CXXC5: variants seen among roughly 807,000 people sequenced by gnomAD.
The protein encoded by CXXC5 is CXXC finger protein 5, also known as CXXC-type zinc finger protein 5.
Under a neutral mutation model 17.6 loss-of-function variants are expected in CXXC5, and 2 were observed. The observed-to-expected ratio is 0.11, with a 90% CI of 0.05 to 0.36. CXXC5 has a LOEUF of 0.36. Ranked by LOEUF, CXXC5 falls within the 10% of genes least tolerant of loss-of-function variation. The pLI, the probability that CXXC5 is intolerant of heterozygous loss-of-function variation, is 1.00. For missense variants in CXXC5, 343 were observed against 458.3 expected, an observed-to-expected ratio of 0.75 and a Z score of 2.30; for synonymous variants, 171 against 193.0, an observed-to-expected ratio of 0.89 and a Z score of 0.94.
At chr5:139,656,009 CTCTG>C (rs1755477321) in intron 1 of CXXC5, among the ~76,000 whole-genome samples, 1 of 152,254 alleles carries the variant, frequency 6.6e-6, no homozygotes, top group African/African-American at 2.4e-5. Flanking sequence ...ACCCGCCCTC[CTCTG>C]TCTGGCAGAC....
chr5:139,653,358 A>G (rs144130654), intron 1 of CXXC5, among the ~76,000 whole-genome samples: 2 of 152,206 alleles, frequency 1.3e-5, no homozygotes, highest in African/African-American at 4.8e-5. Flanking sequence ...AGTGGCAGCA[A>G]AGGGCCAGCC....
rs181281055 is a variant in CXXC5 at position 139,662,495 on chromosome 5, G to T, written c.-161+13650G>T. ...TGAGTCTGATGGGAATGGCTTCATG[G>T]TCATGAAGGGCTTTGGATGCAATCT... On this transcript the variant is annotated intron_variant, in intron 1 of 2. Transcript: ENST00000302517. 2.0e-5 allele frequency among the ~76,000 whole-genome samples: 3 copies of T among 152,288 alleles called. No homozygotes were observed. In the East Asian group the frequency reaches 5.8e-4, roughly 29 times the overall value.
Position 139,680,781 on chromosome 5 carries a change from C to T in CXXC5, c.258C>T (p.Gly86=), listed in dbSNP as rs769780482. The T allele has an allele frequency of 1.2e-6, 2 of 1,613,510 alleles. No individual in the cohort carries two copies. The highest frequency in any genetic ancestry group is 2.7e-5 in the African/African-American group (2 of 75,076). ...SRPLSHYSSF[G]SSGGSGGGSM... ...CGCTCTCCCACTACTCTTCTTTTGG[C>T]AGCAGTGGTGGTAGTGGCGGTGGCA... Residue 86 remains glycine (G), a synonymous_variant, in exon 2 of 3, where the codon GGC becomes GGT. Coordinates refer to ENST00000302517, the MANE Select transcript of CXXC5 (RefSeq NM_016463.9).
intron 1 of CXXC5, chr5:139,679,557 C>T (rs142100001): frequency 5.3e-5 from 8 of 152,316 alleles, no homozygotes; most frequent in African/African-American, 1.9e-4. Flanking sequence ...TATTAGTAAT[C>T]CCCAGATGAG....
Position 139,680,406 on chromosome 5 carries a change from C to A in CXXC5, c.-118C>A. On this transcript the variant is annotated 5_prime_UTR_variant, in exon 2 of 3. The change creates a new upstream start codon in the 5' untranslated region. Coordinates refer to ENST00000302517, the MANE Select transcript of CXXC5 (RefSeq NM_016463.9). ...CTGGACACCTGACCATGTGCCTGCC[C>A]TGAGCAGCGAGGCCCACCAGGCATC... 1 of 1,401,422 alleles carries A rather than the reference C, an allele frequency of 7.1e-7. No homozygotes were observed. The highest frequency in any genetic ancestry group is 9.4e-7 in the Non-Finnish European group (1 of 1,062,432). 86.8% of individuals were successfully genotyped at this position (1,401,422 alleles called of 1,614,324 possible).
chr5:139,664,747 G>A (rs948086757), intron 1 of CXXC5, among the ~76,000 whole-genome samples: 5 of 152,138 alleles, frequency 3.3e-5, no homozygotes, highest in African/African-American at 9.7e-5. Flanking sequence ...ACCTGCACAG[G>A]GGTCCAGGGG....
At chr5:139,682,318 C>CCCCCCACCCCAG in intron 2 of CXXC5, among the ~76,000 whole-genome samples, 4 of 118,826 alleles carry the variant, frequency 3.4e-5, no homozygotes, top group South Asian at 2.9e-4. Flanking sequence ...TGGTTACCCT[C>CCCCCCACCCCAG]CCCCAACCCC....
rs1048390731 is a variant in CXXC5, at chr5:139,661,186, C to T, written c.-161+12341C>T. 2.0e-5 allele frequency among the ~76,000 whole-genome samples: 3 copies of T among 152,230 alleles called. No homozygotes were observed. Among genetic ancestry groups the T allele is most frequent in the African/African-American group, 4.8e-5 (2 of 41,458 alleles). The stretch of plus-strand genomic sequence containing the variant: ...GCCGCGGCTGCCCGCGCCGCCCCCC[C>T]ACCTCTTGCGCTGTCGGCCATCAGC... On this transcript the variant is annotated intron_variant, in intron 1 of 2. Coordinates refer to ENST00000302517, the MANE Select transcript of CXXC5 (RefSeq NM_016463.9). This position sits in a 1 kb window ranked among gnomAD's most constrained non-coding sequence, Gnocchi z 4.7.
chr5:139,675,702 C>T (rs957982849), intron 1 of CXXC5, among the ~76,000 whole-genome samples: 24 of 152,208 alleles, frequency 1.6e-4, no homozygotes, highest in Admixed American at 1.3e-3. Flanking sequence ...CTGAGGCTGA[C>T]AGCTTGAACC....
At chr5:139,677,373 A>ACGTCC (rs1200290396) in intron 1 of CXXC5, among the ~76,000 whole-genome samples, 2 of 152,056 alleles carry the variant, frequency 1.3e-5, no homozygotes, top group African/African-American at 4.8e-5. Flanking sequence ...ACCTGGGAGA[A>ACGTCC]CGTCCCCTCT....
At position 139,659,020 on chromosome 5, in the gene CXXC5, G is replaced by A. The variant is rs1371726237; in HGVS notation, c.-161+10175G>A. 2.0e-5 allele frequency among the ~76,000 whole-genome samples: 3 copies of A among 152,268 alleles called. No individual in the cohort carries two copies. In the South Asian group the frequency reaches 6.2e-4, roughly 32 times the overall value. ...GGTGGGAGGCAAAGGAATAGTGAAG[G>A]GACCTGCAGTCAACCCCTTTCAGGA... is the stretch of plus-strand genomic sequence containing the variant. On this transcript the variant is annotated intron_variant, in intron 1 of 2. Coordinates refer to ENST00000302517, the MANE Select transcript of CXXC5 (RefSeq NM_016463.9).
rs1289428089 is a variant in CXXC5 at position 139,668,617 on chromosome 5, CCAGGACGCCCT to C, written c.-160-11746_-160-11736del. On this transcript the variant is annotated intron_variant, in intron 1 of 2. Transcript: ENST00000302517. The surrounding 1 kb of genome is among the most constrained non-coding windows in gnomAD (Gnocchi z 4.1). ...CTCGCCTGGCTTAACCCAGACGAGC[CCAGGACGCCCT>C]ATCCCTGAACCCCATCGTGGCGTGC... Among the ~76,000 whole-genome samples, 3 of 152,248 alleles carry C rather than the reference CCAGGACGCCCT, an allele frequency of 2.0e-5. No homozygotes were observed. In the East Asian group the frequency reaches 5.8e-4, roughly 29 times the overall value.
intron 1 of CXXC5, among the ~76,000 whole-genome samples, chr5:139,674,951 T>C (rs1257860702): frequency 6.6e-6 from 1 of 152,246 alleles, no homozygotes; most frequent in Non-Finnish European, 1.5e-5. Context: ...AGGCTCTCTT[T>C]CATGCCTTTG....
intron 1 of CXXC5, among the ~76,000 whole-genome samples, chr5:139,665,316 C>T (rs988144631): frequency 2.6e-5 from 4 of 152,266 alleles, no homozygotes; most frequent in African/African-American, 7.2e-5. Flanking sequence ...GCTACTGGGC[C>T]ATGCCAAGAC....
Position 139,673,854 on chromosome 5 carries a change from A to AGAG in CXXC5, c.-160-6510_-160-6509insGAG, listed in dbSNP as rs35463867. Among the ~76,000 whole-genome samples the AGAG allele has an allele frequency of 3.3e-3, 487 of 146,782 alleles. 4 individuals carry two copies. The highest frequency in any genetic ancestry group is 0.01 in the African/African-American group (398 of 39,324). ...AGACTCTTGTCAAAAAAAAAAAAAA[A>AGAG]AGAGAGAGAGAAAACAGAGCTCTAC... On this transcript the variant is annotated intron_variant, in intron 1 of 2. Transcript: ENST00000302517.
At chr5:139,656,810 C>G (rs992284519) in intron 1 of CXXC5, among the ~76,000 whole-genome samples, 7 of 152,172 alleles carry the variant, frequency 4.6e-5, no homozygotes, top group African/African-American at 1.7e-4. Flanking sequence ...CTGCAACCCC[C>G]ACCTCCTGGG....
intron 1 of CXXC5, among the ~76,000 whole-genome samples, chr5:139,662,450 C>T (rs1328245971): frequency 1.3e-5 from 2 of 152,140 alleles, no homozygotes; most frequent in Non-Finnish European, 2.9e-5. Context: ...AAAAAAAAGC[C>T]GTTTTTCAGA....
chr5:139,667,216 G>C (rs958223871), intron 1 of CXXC5, among the ~76,000 whole-genome samples: 1 of 152,180 alleles, frequency 6.6e-6, no homozygotes, highest in Non-Finnish European at 1.5e-5. Context: ...TCCTGTGTAG[G>C]CTGGTTATGG....
chr5:139,650,977 G>A, intron 1 of CXXC5: 1 of 152,220 alleles, frequency 6.6e-6, no homozygotes, highest in South Asian at 2.1e-4. Flanking sequence ...GAGGGAGAGG[G>A]GGTGATGGTT....
Sources: gnomAD v4.1 joint callset for allele counts (sites outside exome capture counted in the v4.1 genomes callset) on GRCh38, gnomAD v4.1.1 for gene constraint, Gnocchi (gnomAD v3.1) non-coding constraint, MANE v1.5 for transcripts, NCBI Gene and HGNC (gene_info 2026-07-23, HGNC 2026-07-21) for gene names.